The following ANKIB1 variants were observed in gnomAD, a reference collection of about 807,000 sequenced individuals.
The protein encoded by ANKIB1 is ankyrin repeat and IBR domain-containing protein 1.
Under a neutral mutation model 122.1 loss-of-function variants are expected in ANKIB1, and 43 were observed. The ratio of observed to expected loss-of-function variants is 0.35; its 90% confidence interval spans 0.28 to 0.45. The LOEUF (loss-of-function observed/expected upper bound fraction) is 0.45. ANKIB1 is among the 20% of genes least tolerant of loss of function. The probability of loss-of-function intolerance (pLI) is 1.00; values close to 1 mark genes in which losing one functional copy is unlikely to be tolerated. For synonymous variants in ANKIB1, 390 were observed against 442.0 expected (o/e 0.88, Z 1.48); for missense variants, 992 against 1,329.5 (o/e 0.75, Z 3.95).
intron 2 of ANKIB1, among the ~76,000 whole-genome samples, chr7:92,306,578 G>A (rs947680426): frequency 3.3e-5 from 5 of 152,106 alleles, no homozygotes; most frequent in Non-Finnish European, 4.4e-5. Flanking sequence ...GAGACATGGT[G>A]GGAGTAGTTG....
rs930871264 is a variant in ANKIB1 at position 92,253,175 on chromosome 7, C to G, written c.-91+6656C>G. Among the ~76,000 whole-genome samples the G allele has an allele frequency of 2.4e-4, 37 of 152,156 alleles. 1 individual carries two copies. Among genetic ancestry groups the G allele is most frequent in the Non-Finnish European group, 1.2e-4 (8 of 68,020 alleles). ...CTAGTCCAGCACCCCAGGGTTTTTC[C>G]TAGCTTTCTCCCTTGAAATGTTTAT... On this transcript the variant is annotated intron_variant, in intron 1 of 19. Coordinates refer to ENST00000265742, the MANE Select transcript of ANKIB1 (RefSeq NM_019004.2).
At chr7:92,352,287 C>T (rs920845484) in intron 8 of ANKIB1, among the ~76,000 whole-genome samples, 189 bp from the exon 9 acceptor site, 2 of 152,158 alleles carry the variant, frequency 1.3e-5, no homozygotes, top group Non-Finnish European at 2.9e-5. Context: ...TTAATTGCCA[C>T]TTTCCCCTTA....
chr7:92,319,000 G>C (rs1802850399), intron 3 of ANKIB1, among the ~76,000 whole-genome samples: 1 of 152,048 alleles, frequency 6.6e-6, no homozygotes, highest in South Asian at 2.1e-4. Context: ...AAAATTTAAA[G>C]TACTGAGTAA....
intron 3 of ANKIB1, among the ~76,000 whole-genome samples, chr7:92,314,285 G>A (rs1345562057): frequency 3.3e-5 from 5 of 151,334 alleles, no homozygotes; most frequent in African/African-American, 1.2e-4. Context: ...GTGACAGAGC[G>A]AGATGCTGTC....
chr7:92,338,256 A>T (rs7810095), intron 5 of ANKIB1, among the ~76,000 whole-genome samples: 14,438 of 137,378 alleles, frequency 0.11, 898 homozygotes, highest in East Asian at 0.41. Context: ...CAAAAAAATT[A>T]AAAAAAAAAA....
Position 92,396,433 on chromosome 7 carries a change from C to T in ANKIB1, c.2352C>T (p.Leu784=). Residue 784 remains leucine (L), a synonymous_variant, in exon 18 of 20, where the codon CTC becomes CTT. Coordinates refer to ENST00000265742, the MANE Select transcript of ANKIB1 (RefSeq NM_019004.2). ...QRRRGDVHSL[L]SNPPDPDEPS... ...GTCGAGGAGATGTTCACAGTCTACT[C>T]AGTAATCCTCCAGACCCTGATGAGC... 6.3e-7 allele frequency: 1 copy of T among 1,596,310 alleles called. No homozygotes were observed. Among genetic ancestry groups the T allele is most frequent in the Non-Finnish European group, 8.5e-7 (1 of 1,170,806 alleles).
At chr7:92,380,773 G>A (rs1585135360) in intron 11 of ANKIB1, among the ~76,000 whole-genome samples, 1 of 152,120 alleles carries the variant, frequency 6.6e-6, no homozygotes, top group African/African-American at 2.4e-5. Flanking sequence ...AAAGACCAAA[G>A]GTAGATAACA....
chr7:92,386,150 T>G (rs554310858), intron 11 of ANKIB1, among the ~76,000 whole-genome samples: 3 of 152,270 alleles, frequency 2.0e-5, no homozygotes, highest in African/African-American at 7.2e-5. Context: ...TTGCCAGAAG[T>G]TTTTCAGATA....
chr7:92,398,321 A>G lies in ANKIB1; in HGVS notation c.2642A>G (p.Asn881Ser), dbSNP rs752657143. 3.1e-6 allele frequency: 5 copies of G among 1,613,650 alleles called. No homozygotes were observed. The highest frequency in any genetic ancestry group is 2.7e-5 in the African/African-American group (2 of 74,938). Residue 881 changes from asparagine to serine, a missense_variant, in exon 20 of 20, where the codon AAT becomes AGT. This residue lies in a region of ANKIB1 where 384 missense variants were observed against 412.0 expected (regional missense o/e 0.93). Transcript: ENST00000265742. The stretch of plus-strand genomic sequence containing the variant: ...GAAGAAACTAGAGACTTCCTCAGTA[A>G]TGAAGCATCCTTAGGTGCGATAGGC... ...LDEETRDFLS[N>S]EASLGAIGTS...
At chr7:92,336,210 A>C (rs1399114758) in intron 5 of ANKIB1, among the ~76,000 whole-genome samples, 2 of 152,034 alleles carry the variant, frequency 1.3e-5, no homozygotes, top group African/African-American at 4.8e-5. Context: ...TCTGTCTCCA[A>C]GTTCACCAAA....
At chr7:92,310,069 A>C (rs1480901045) in intron 3 of ANKIB1, among the ~76,000 whole-genome samples, 3 of 151,278 alleles carry the variant, frequency 2.0e-5, no homozygotes, top group Non-Finnish European at 4.4e-5. Context: ...TAAATTTTTC[A>C]AAAAATTGAG....
intron 3 of ANKIB1, among the ~76,000 whole-genome samples, chr7:92,312,309 A>G (rs1802707447): frequency 6.6e-6 from 1 of 152,218 alleles, no homozygotes; most frequent in African/African-American, 2.4e-5. Context: ...GTAGTCTACA[A>G]TTGTTTGACA....
chr7:92,330,346 ATATT>A (rs1267880056), intron 5 of ANKIB1, among the ~76,000 whole-genome samples: 2 of 152,196 alleles, frequency 1.3e-5, no homozygotes, highest in Non-Finnish European at 2.9e-5. Flanking sequence ...TACCTAATAT[ATATT>A]AATCACTCAG....
chr7:92,391,193 C>G lies in ANKIB1; in HGVS notation c.2080C>G (p.Leu694Val). 1 of 1,612,264 alleles carries G rather than the reference C, an allele frequency of 6.2e-7. No individual in the cohort carries two copies. The highest frequency in any genetic ancestry group is 8.5e-7 in the Non-Finnish European group (1 of 1,179,082). ...QTDLEMVTED[L>V]AQKVNRPYLR... Reference sequence around the variant, plus strand: ...AGACCTAGAAATGGTCACTGAAGACCTTGCCCAGAAAGTCAATAGGCCTTA... The same window carrying G: ...AGACCTAGAAATGGTCACTGAAGACGTTGCCCAGAAAGTCAATAGGCCTTA... The change falls in exon 16 of 20, where the codon CTT becomes GTT. Residue 694 changes from leucine to valine, a missense_variant. This residue lies in a region of ANKIB1 where 521 missense variants were observed against 777.7 expected (regional missense o/e 0.67). Transcript: ENST00000265742.
chr7:92,383,292 A>G (rs1361539361), intron 11 of ANKIB1, among the ~76,000 whole-genome samples: 1 of 152,248 alleles, frequency 6.6e-6, no homozygotes, highest in African/African-American at 2.4e-5. Flanking sequence ...ATGGATTCAC[A>G]GCCAAATTGT....
rs376185479 is a variant in ANKIB1, at chr7:92,313,897, A to G, written c.487-5433A>G. 3.1e-4 allele frequency among the ~76,000 whole-genome samples: 47 copies of G among 152,306 alleles called. 1 individual carries two copies. Among genetic ancestry groups the G allele is most frequent in the African/African-American group, 9.9e-4 (41 of 41,572 alleles). On this transcript the variant is annotated intron_variant, in intron 3 of 19. Coordinates refer to ENST00000265742, the MANE Select transcript of ANKIB1 (RefSeq NM_019004.2). ...TACGCAGATTGAAGTATTTTGTGGA[A>G]GAGTAATAAAACATTACTTTAAAGG...
chr7:92,271,879 GAA>G (rs956136320), intron 1 of ANKIB1, among the ~76,000 whole-genome samples: 4 of 152,184 alleles, frequency 2.6e-5, no homozygotes, highest in African/African-American at 9.7e-5. Flanking sequence ...GCAGGGAAAT[GAA>G]ATGGACAGGC....
chr7:92,336,928 G>A (rs374019219), intron 5 of ANKIB1, among the ~76,000 whole-genome samples: 1 of 152,120 alleles, frequency 6.6e-6, no homozygotes, highest in South Asian at 2.1e-4. Flanking sequence ...TCTGATAGTA[G>A]CTACTTTACC....
intron 11 of ANKIB1, among the ~76,000 whole-genome samples, chr7:92,378,647 T>C (rs1400672923): frequency 1.3e-5 from 2 of 152,128 alleles, no homozygotes; most frequent in Non-Finnish European, 2.9e-5. Flanking sequence ...GATGAAGATA[T>C]TTTTCATCAC....
Sources: allele counts gnomAD v4.1 joint callset (sites outside exome capture counted in the v4.1 genomes callset), GRCh38; gene constraint gnomAD v4.1.1; regional missense constraint gnomAD v4.1.1; transcripts MANE v1.5; gene names NCBI Gene and HGNC (gene_info 2026-07-23, HGNC 2026-07-21).